ATP6AP2: variants seen among roughly 807,000 people sequenced by gnomAD.
The protein encoded by ATP6AP2 is renin receptor.
ATP6AP2 carries 1 observed loss-of-function variant against 23.4 expected under a neutral mutation model. The observed-to-expected ratio is 0.04, with a 90% CI of 0.02 to 0.20. The LOEUF (loss-of-function observed/expected upper bound fraction) is 0.20, where lower values mean the gene tolerates loss of function less well. Among genes scored for constraint, ATP6AP2 ranks in the 10% least tolerant of loss-of-function variants. The probability of loss-of-function intolerance (pLI) is 1.00; values close to 1 mark genes in which losing one functional copy is unlikely to be tolerated. For synonymous variants in ATP6AP2, 90 were observed against 97.1 expected, an observed-to-expected ratio of 0.93 and a Z score of 0.43; for missense variants, 174 against 271.3, an observed-to-expected ratio of 0.64 and a Z score of 2.52.
At chrX:40,586,742 GCTTATA>G in intron 1 of ATP6AP2, among the ~76,000 whole-genome samples, 2 of 111,941 alleles carry the variant, frequency 1.8e-5, no homozygotes, top group Non-Finnish European at 1.9e-5. Flanking sequence ...CCTGAGACAT[GCTTATA>G]CTTATAATAA....
At chrX:40,600,928 T>TCA (rs1276347437) in intron 8 of ATP6AP2, 47 bp downstream of exon 8, 4 of 1,026,244 alleles carry the variant, frequency 3.9e-6, no homozygotes, top group Non-Finnish European at 5.2e-6. Context: ...AATTAACTTC[T>TCA]TATAAAAAAA....
At position 40,585,652 on chromosome X, in the gene ATP6AP2, G is replaced by A. The variant is rs189950269; in HGVS notation, c.38-3334G>A. The stretch of plus-strand genomic sequence containing the variant: ...GCGGATTGTTTGAGGTCAGGAGTTC[G>A]AGACCAGTCTGGCCAACGTAGTGAA... On this transcript the variant is annotated intron_variant, in intron 1 of 8. Transcript: ENST00000636580. 5.8e-3 allele frequency among the ~76,000 whole-genome samples: 637 copies of A among 110,460 alleles called. 4 individuals carry two copies. Among genetic ancestry groups the A allele is most frequent in the African/African-American group, 0.019 (581 of 30,321 alleles).
intron 1 of ATP6AP2, among the ~76,000 whole-genome samples, chrX:40,582,041 G>T (rs959235886): frequency 2.7e-5 from 3 of 112,035 alleles, no homozygotes; most frequent in Non-Finnish European, 5.6e-5. Context: ...GAGTGATGGG[G>T]ACTGAGACTG....
chrX:40,604,766 T>C (rs1927025899), intron 8 of ATP6AP2, among the ~76,000 whole-genome samples: 1 of 111,670 alleles, frequency 9.0e-6, no homozygotes, highest in African/African-American at 3.3e-5. Context: ...TTTGCCTGTA[T>C]TTGAATTTTA....
Position 40,591,332 on chromosome X carries a change from C to T in ATP6AP2, c.267C>T (p.Pro89=). The change falls in exon 3 of 9, where the codon CCC becomes CCT. Residue 89 remains proline (P), a synonymous_variant. Coordinates refer to ENST00000636580, the MANE Select transcript of ATP6AP2 (RefSeq NM_005765.3). The stretch of plus-strand genomic sequence containing the variant: ...AGGGAGTGAACAAACTGGCTCTACC[C>T]CCAGGCAGTGTCATTTCGTACCCTT... The part of the protein sequence containing the change: ...MVKGVNKLAL[P]PGSVISYPLE... 8.3e-7 allele frequency: 1 copy of T among 1,211,076 alleles called. No individual in the cohort carries two copies.
intron 8 of ATP6AP2, among the ~76,000 whole-genome samples, chrX:40,603,600 T>G (rs1165157494): frequency 9.0e-6 from 1 of 111,091 alleles, no homozygotes; most frequent in East Asian, 2.8e-4. Flanking sequence ...ATTTTCGTTC[T>G]CATCCTCACT....
chrX:40,593,330 C>T (rs1926689846), intron 3 of ATP6AP2, among the ~76,000 whole-genome samples: 1 of 111,194 alleles, frequency 9.0e-6, no homozygotes, highest in Non-Finnish European at 1.9e-5. Flanking sequence ...CATCATTCTA[C>T]TCTACTTCTA....
chrX:40,596,193 G>A (rs773833676), intron 3 of ATP6AP2, among the ~76,000 whole-genome samples: 3 of 109,591 alleles, frequency 2.7e-5, no homozygotes, highest in Non-Finnish European at 5.7e-5. Flanking sequence ...AAAAAAAAAT[G>A]TGATGCTGGG....
rs778703690 is a variant in ATP6AP2, at chrX:40,597,253, T to C, written c.305T>C (p.Val102Ala). Residue 102 changes from valine to alanine, a missense_variant, in exon 4 of 9, where the codon GTT becomes GCT. Coordinates refer to ENST00000636580, the MANE Select transcript of ATP6AP2 (RefSeq NM_005765.3). ...GTTCTTACTCTTAAATTTCAGGCAG[T>C]TCCTTTTAGTCTTGACAGTGTTGCA... is the stretch of plus-strand genomic sequence containing the variant. ...SVISYPLENAVPFSLDSVANS... is the reference protein window; with the variant it reads ...SVISYPLENAAPFSLDSVANS... 8.4e-7 allele frequency: 1 copy of C among 1,196,320 alleles called. No homozygotes were observed. Among genetic ancestry groups the C allele is most frequent in the Non-Finnish European group, 1.1e-6 (1 of 881,378 alleles).
intron 8 of ATP6AP2, among the ~76,000 whole-genome samples, chrX:40,604,453 GCTCATGAGAA>G (rs1569262023): frequency 1.8e-5 from 2 of 110,430 alleles, no homozygotes; most frequent in Non-Finnish European, 3.8e-5. Context: ...AACCATCAGA[GCTCATGAGAA>G]CTCAGTATCA....
chrX:40,602,649 CAA>C (rs770480291), intron 8 of ATP6AP2, among the ~76,000 whole-genome samples: 6 of 59,024 alleles, frequency 1.0e-4, no homozygotes, highest in East Asian at 4.7e-4. Context: ...GACTCCATCT[CAA>C]AAAAAAAAAA....
At chrX:40,583,785 C>G (rs1265159909) in intron 1 of ATP6AP2, among the ~76,000 whole-genome samples, 1 of 111,834 alleles carries the variant, frequency 8.9e-6, no homozygotes, top group African/African-American at 3.3e-5. Flanking sequence ...AATTCAGTGG[C>G]TAATTAGCTG....
At chrX:40,599,088 C>T (rs1471676352) in intron 6 of ATP6AP2, 1 of 239,382 alleles carries the variant, frequency 4.2e-6, no homozygotes, top group Non-Finnish European at 7.4e-6. Flanking sequence ...ATAATGCTGT[C>T]AGTCAAGTCA....
chrX:40,600,931 T>TAAAA (rs10590549), intron 8 of ATP6AP2, 50 bp downstream of exon 8: 912 of 957,882 alleles, frequency 9.5e-4, no homozygotes, highest in Middle Eastern at 1.6e-3. Flanking sequence ...TAACTTCTTA[T>TAAAA]AAAAAAAAAA....
intron 3 of ATP6AP2, among the ~76,000 whole-genome samples, chrX:40,594,982 A>C (rs1926742097): frequency 8.9e-6 from 1 of 112,158 alleles, no homozygotes; most frequent in South Asian, 3.7e-4. Context: ...AATACACATA[A>C]AGTAGAAGGA....
intron 2 of ATP6AP2, 32 bp downstream of exon 2, chrX:40,589,148 G>A: frequency 8.4e-7 from 1 of 1,197,560 alleles, no homozygotes; most frequent in Non-Finnish European, 1.1e-6. Flanking sequence ...GTTTGGAGCT[G>A]CTTTTAAGAA....
chrX:40,589,205 C>T (rs895414588), intron 2 of ATP6AP2, 89 bp downstream of exon 2: 64 of 1,038,560 alleles, frequency 6.2e-5, no homozygotes, highest in African/African-American at 5.8e-4. Context: ...ATCAAACGAA[C>T]GTAGGTACGT....
Position 40,589,087 on chromosome X carries a change from G to T in ATP6AP2, c.139G>T (p.Ala47Ser). ...IPGERIPDVA[A>S]LSMGFSVKED... is the part of the protein sequence containing the mutation. ...AGGAGAGCGGATCCCAGACGTGGCTGCATTGTCCATGGGCTTCTCTGTGAA... is the reference window on the plus strand; with the variant it reads ...AGGAGAGCGGATCCCAGACGTGGCTTCATTGTCCATGGGCTTCTCTGTGAA... The change falls in exon 2 of 9, where the codon GCA (alanine) becomes TCA (serine). Residue 47 changes from alanine (A) to serine (S), a missense_variant. Ala to Ser is a moderately conservative substitution (Grantham distance 99, BLOSUM62 1). Coordinates refer to ENST00000636580, the MANE Select transcript of ATP6AP2 (RefSeq NM_005765.3). 1 of 1,209,994 alleles carries T rather than the reference G, an allele frequency of 8.3e-7. No homozygotes were observed. The highest frequency in any genetic ancestry group is 1.1e-6 in the Non-Finnish European group (1 of 894,810).
chrX:40,605,614 C>T lies in ATP6AP2; in HGVS notation c.912C>T (p.Ser304=), dbSNP rs1193106708. The T allele has an allele frequency of 6.6e-6, 8 of 1,207,558 alleles. No individual in the cohort carries two copies. The highest frequency in any genetic ancestry group is 3.5e-5 in the African/African-American group (2 of 57,027). Residue 304 remains serine, a synonymous_variant, in exon 9 of 9, where the codon TCC becomes TCT. Coordinates refer to ENST00000636580, the MANE Select transcript of ATP6AP2 (RefSeq NM_005765.3). ...CATATAAGTATAATTTTGAATATTC[C>T]GTGGTTTTCAACATGGTACTTTGGA... ...NLAYKYNFEY[S]VVFNMVLWIM... is the part of the protein sequence containing the mutation.
Sources: allele counts gnomAD v4.1 joint callset (sites outside exome capture counted in the v4.1 genomes callset), GRCh38; gene constraint gnomAD v4.1.1; transcripts MANE v1.5; gene names NCBI Gene and HGNC (gene_info 2026-07-23, HGNC 2026-07-21).